Variants in TARS3 observed in about 807,000 individuals in gnomAD.
The protein encoded by TARS3 is threonyl-tRNA synthetase 3.
TARS3 carries 94 observed loss-of-function variants against 103.5 expected under a neutral mutation model. The ratio of observed to expected loss-of-function variants is 0.91; its 90% CI spans 0.77 to 1.08. The LOEUF is 1.08. Ranked by LOEUF, TARS3 falls within the 50% of genes least tolerant of loss-of-function variation. TARS3 has a pLI of 0.00. For synonymous variants in TARS3, 416 were observed against 355.4 expected (o/e 1.17, Z -1.92); for missense variants, 952 against 995.2 (o/e 0.96, Z 0.58).
At chr15:101,679,919 T>A (rs1898189744) in intron 12 of TARS3, among the ~76,000 whole-genome samples, 1 of 152,186 alleles carries the variant, frequency 6.6e-6, no homozygotes, top group Admixed American at 6.5e-5. Flanking sequence ...CTCCATGGCC[T>A]TTACTGCACA....
chr15:101,701,612 G>A (rs1191418637), intron 9 of TARS3, among the ~76,000 whole-genome samples: 1 of 152,160 alleles, frequency 6.6e-6, no homozygotes, highest in Non-Finnish European at 1.5e-5. Flanking sequence ...ACCCAGCAAG[G>A]AAGACAAGGA....
At chr15:101,702,498 G>T in intron 8 of TARS3, 113 bp from the exon 9 acceptor site, 1 of 875,614 alleles carries the variant, frequency 1.1e-6, no homozygotes, top group Non-Finnish European at 1.8e-6. Context: ...AGCCCTGCAT[G>T]GTGGCTCATG....
chr15:101,697,470 C>T (rs985645755), intron 10 of TARS3, among the ~76,000 whole-genome samples: 1 of 152,080 alleles, frequency 6.6e-6, no homozygotes, highest in Non-Finnish European at 1.5e-5. Context: ...ATTTTTGGCT[C>T]CCTATGGTAA....
rs773238577 is a variant in TARS3, at chr15:101,671,660, G to C, written c.1866+11C>G. 1.8e-5 allele frequency: 29 copies of C among 1,613,598 alleles called. No homozygotes were observed. Among genetic ancestry groups the C allele is most frequent in the Non-Finnish European group, 2.2e-5 (26 of 1,179,774 alleles). On this transcript the variant is annotated intron_variant, in intron 14 of 18. Coordinates refer to ENST00000335968, the MANE Select transcript of TARS3 (RefSeq NM_152334.3). ...TACATTTTGCTGTTTTGAAGCATGTGGTCGACTCACTTTAGGGCCATAAAA... is the reference window on the plus strand; with the variant it reads ...TACATTTTGCTGTTTTGAAGCATGTCGTCGACTCACTTTAGGGCCATAAAA...
intron 10 of TARS3, among the ~76,000 whole-genome samples, chr15:101,700,873 C>T (rs1899236121): frequency 6.6e-6 from 1 of 152,108 alleles, no homozygotes; most frequent in African/African-American, 2.4e-5. Flanking sequence ...AACTCCTGAC[C>T]TCAGGTGATC....
At chr15:101,663,139 C>A (rs1421204031) in intron 15 of TARS3, among the ~76,000 whole-genome samples, 1 of 152,030 alleles carries the variant, frequency 6.6e-6, no homozygotes, top group East Asian at 1.9e-4. Context: ...TTTTGGTCAA[C>A]AATGGACTGC....
intron 6 of TARS3, among the ~76,000 whole-genome samples, chr15:101,707,269 C>T (rs915026301): frequency 4.6e-5 from 7 of 152,132 alleles, no homozygotes; most frequent in Non-Finnish European, 7.3e-5. Context: ...CTGCACCAAA[C>T]GGTATGGCGA....
Position 101,724,193 on chromosome 15 carries a change from G to A in TARS3, c.195C>T (p.Arg65=), listed in dbSNP as rs1900649983. 2 of 1,520,896 alleles carry A rather than the reference G, an allele frequency of 1.3e-6. No individual in the cohort carries two copies. Among genetic ancestry groups the A allele is most frequent in the Non-Finnish European group, 1.8e-6 (2 of 1,140,278 alleles). The allele number at this position is 1,520,896 out of a possible 1,614,324, so 94.2% of individuals were successfully genotyped here. ...ACAGCCGCAGGCTGCACAGGCGGTG[G>A]CGCAGGTCGCAGTTCTCGGCCCGGA... ...AQLRAENCDL[R]HRLCSLRLCL... Residue 65 remains arginine (R), a synonymous_variant, in exon 1 of 19, where the codon CGC becomes CGT. Coordinates refer to ENST00000335968, the MANE Select transcript of TARS3 (RefSeq NM_152334.3).
At chr15:101,686,539 CCT>C (rs1209228023) in intron 10 of TARS3, among the ~76,000 whole-genome samples, 4 of 152,072 alleles carry the variant, frequency 2.6e-5, no homozygotes, top group African/African-American at 9.7e-5. Flanking sequence ...CATGAGCTGG[CCT>C]CTCTCCCTCC....
chr15:101,671,640 T>A (rs1897808958), intron 14 of TARS3, 31 bp downstream of exon 14: 2 of 1,612,314 alleles, frequency 1.2e-6, no homozygotes, highest in African/African-American at 1.3e-5. Context: ...TCTTTTACAT[T>A]TTGCTGTTTT....
chr15:101,662,420 A>C (rs968017394), intron 15 of TARS3, among the ~76,000 whole-genome samples: 5 of 152,208 alleles, frequency 3.3e-5, no homozygotes. Context: ...TCTTTTGATA[A>C]ATTTTTATCT....
rs1438265683 is a variant in TARS3, at chr15:101,661,800, TATC to T, written c.1981_1983del (p.Asp661del). Reference sequence around the variant, plus strand: ...CGATGAATGATCACAGGTCTCTTCTTATCATCCCCATCCTTACTAAAAAATGAA... The same window carrying T: ...CGATGAATGATCACAGGTCTCTTCTTATCCCCATCCTTACTAAAAAATGAA... On this transcript the variant is annotated inframe_deletion, in exon 16 of 19. Coordinates refer to ENST00000335968, the MANE Select transcript of TARS3 (RefSeq NM_152334.3). 2.6e-5 allele frequency: 42 copies of T among 1,602,842 alleles called. No homozygotes were observed. The highest frequency in any genetic ancestry group is 3.6e-5 in the Non-Finnish European group (42 of 1,174,072).
chr15:101,684,294 A>G (rs893346877), intron 11 of TARS3, 57 bp from the exon 12 acceptor site: 20 of 1,434,748 alleles, frequency 1.4e-5, no homozygotes, highest in Non-Finnish European at 1.9e-5. Flanking sequence ...TTAAATAATT[A>G]TCTAAATATA....
chr15:101,668,730 T>G (rs1392052812), intron 15 of TARS3, among the ~76,000 whole-genome samples: 2 of 152,174 alleles, frequency 1.3e-5, no homozygotes, highest in African/African-American at 4.8e-5. Context: ...GTAACAGTGT[T>G]CTGGCCAACA....
rs767105539 is a variant in TARS3, at chr15:101,708,902, G to C, written c.821C>G (p.Ser274Cys). 2 of 1,584,620 alleles carry C rather than the reference G, an allele frequency of 1.3e-6. No homozygotes were observed. The highest frequency in any genetic ancestry group is 2.7e-5 in the African/African-American group (2 of 73,062). ...YDMFIEDRAV[S>C]STELSALENI... ...CTCCAGGGCTGACAATTCTGTGCTG[G>C]ACACTGCTCTAAAAAGAAGAGCAGA... Residue 274 changes from serine (S) to cysteine (C), a missense_variant, in exon 6 of 19, where the codon TCC becomes TGC. By Grantham distance (112) the Ser-to-Cys change is moderately radical. This residue lies in a region of TARS3 where 412 missense variants were observed against 364.2 expected (regional missense o/e 1.13). Transcript: ENST00000335968.
intron 2 of TARS3, among the ~76,000 whole-genome samples, chr15:101,721,697 G>C (rs1211317177): frequency 6.6e-6 from 1 of 152,160 alleles, no homozygotes; most frequent in African/African-American, 2.4e-5. Flanking sequence ...GTTTCGCCAT[G>C]TTGGCCAGGC....
chr15:101,714,562 C>T (rs568807699), intron 4 of TARS3: 120 of 147,842 alleles, frequency 8.1e-4, no homozygotes, highest in Non-Finnish European at 1.2e-3. Flanking sequence ...GCCGTGATTG[C>T]GCCACTGCAC....
chr15:101,666,436 A>G (rs1181521328), intron 15 of TARS3, among the ~76,000 whole-genome samples: 1 of 142,554 alleles, frequency 7.0e-6, no homozygotes, highest in African/African-American at 2.6e-5. Flanking sequence ...AGATTGTCCC[A>G]CTGCACTCCA....
chr15:101,674,293 G>C (rs1374829603), intron 13 of TARS3, among the ~76,000 whole-genome samples: 1 of 152,110 alleles, frequency 6.6e-6, no homozygotes, highest in South Asian at 2.1e-4. Context: ...TAGCAATCTG[G>C]ATATGCCAGA....
Sources: gnomAD v4.1 joint callset for allele counts (sites outside exome capture counted in the v4.1 genomes callset) on GRCh38, gnomAD v4.1.1 for gene constraint, gnomAD v4.1.1 regional missense constraint, MANE v1.5 for transcripts, NCBI Gene and HGNC (gene_info 2026-07-23, HGNC 2026-07-21) for gene names.